PIGK: variants seen among roughly 807,000 people sequenced by gnomAD.
The protein encoded by PIGK is phosphatidylinositol glycan anchor biosynthesis class K.
Under a neutral mutation model 50.6 loss-of-function variants are expected in PIGK, and 42 were observed. The ratio of observed to expected loss-of-function variants is 0.83; its 90% CI spans 0.65 to 1.07. The LOEUF (loss-of-function observed/expected upper bound fraction) is 1.07, where lower values mean the gene tolerates loss of function less well. PIGK is among the 50% of genes least tolerant of loss of function. The pLI, the probability that PIGK is intolerant of heterozygous loss-of-function variation, is 0.00. For synonymous variants in PIGK, 151 were observed against 156.0 expected (o/e 0.97, Z 0.24); for missense variants, 448 against 488.7 (o/e 0.92, Z 0.78).
chr1:77,152,202 C>A (rs1265727623), intron 9 of PIGK, among the ~76,000 whole-genome samples: 1 of 152,012 alleles, frequency 6.6e-6, no homozygotes, highest in Non-Finnish European at 1.5e-5. Context: ...AATCCAAGCA[C>A]TTACAGCCAA....
chr1:77,193,271 G>A (rs1249112647), intron 3 of PIGK, among the ~76,000 whole-genome samples: 1 of 151,882 alleles, frequency 6.6e-6, no homozygotes, highest in Non-Finnish European at 1.5e-5. Context: ...GTGTGTGTGT[G>A]TGTGTGTGTG....
Position 77,099,787 on chromosome 1 carries a change from T to A in PIGK, c.1072-7297A>T, listed in dbSNP as rs988010317. ...ATCTTGTAATTTCATTTGTGTCCAT[T>A]AGAGCTTCTTAAAAAAATGACTGAC... On this transcript the variant is annotated intron_variant, in intron 10 of 10. Coordinates refer to ENST00000370812, the MANE Select transcript of PIGK (RefSeq NM_005482.3). Among the ~76,000 whole-genome samples the A allele has an allele frequency of 5.9e-5, 9 of 152,186 alleles. No individual in the cohort carries two copies. In the East Asian group the frequency reaches 1.7e-3, roughly 29 times the overall value.
At chr1:77,157,420 C>T (rs1655032690) in intron 8 of PIGK, among the ~76,000 whole-genome samples, 1 of 152,100 alleles carries the variant, frequency 6.6e-6, no homozygotes, top group Non-Finnish European at 1.5e-5. Flanking sequence ...TTTCCTTAAT[C>T]TTTCCTGTAT....
At chr1:77,183,044 T>C (rs962676602) in intron 3 of PIGK, among the ~76,000 whole-genome samples, 2 of 152,160 alleles carry the variant, frequency 1.3e-5, no homozygotes, top group Non-Finnish European at 2.9e-5. Context: ...GAGAGTCTTA[T>C]CTCCTGTAGA....
rs934032952 is a variant in PIGK at position 77,164,891 on chromosome 1, A to G, written c.488-949T>C. On this transcript the variant is annotated intron_variant, in intron 5 of 10. Coordinates refer to ENST00000370812, the MANE Select transcript of PIGK (RefSeq NM_005482.3). ...CCTGACGTATACTATGCCTCCATAA[A>G]TATTATTATCATATTATCATAATTA... Among the ~76,000 whole-genome samples, 6 of 152,114 alleles carry G rather than the reference A, an allele frequency of 3.9e-5. No individual in the cohort carries two copies. The South Asian group carries it at 6.2e-4, about 16-fold the overall frequency.
chr1:77,118,025 T>C lies in PIGK; in HGVS notation c.1071+4250A>G, dbSNP rs1300692772. 3.3e-5 allele frequency among the ~76,000 whole-genome samples: 5 copies of C among 152,318 alleles called. No individual in the cohort carries two copies. In the East Asian group the frequency reaches 7.7e-4, roughly 23 times the overall value. ...GTTAAAAAAAAATGAAACTTTCTGA[T>C]AAAAATAAACAATTCTAACATCATT... On this transcript the variant is annotated intron_variant, in intron 10 of 10. Transcript: ENST00000370812.
At chr1:77,093,857 C>T (rs920022294) in intron 10 of PIGK, among the ~76,000 whole-genome samples, 2 of 152,064 alleles carry the variant, frequency 1.3e-5, no homozygotes, top group Admixed American at 6.6e-5. Flanking sequence ...ACGGTAAGTT[C>T]GGTGGTTCTC....
At chr1:77,120,103 G>A (rs925319673) in intron 10 of PIGK, among the ~76,000 whole-genome samples, 2 of 152,072 alleles carry the variant, frequency 1.3e-5, no homozygotes, top group East Asian at 3.8e-4. Flanking sequence ...GTTACAGGGG[G>A]AGATTATACA....
intron 3 of PIGK, among the ~76,000 whole-genome samples, chr1:77,186,303 G>T (rs1655736717): frequency 6.6e-6 from 1 of 152,218 alleles, no homozygotes; most frequent in Non-Finnish European, 1.5e-5. Context: ...CAGCACTACT[G>T]CCCGTCTAGG....
At chr1:77,206,879 A>G in intron 2 of PIGK, 148 bp from the exon 3 acceptor site, 1 of 529,550 alleles carries the variant, frequency 1.9e-6, no homozygotes, top group Non-Finnish European at 3.4e-6. Flanking sequence ...AAAAATTGTC[A>G]GTAAAGGCCA....
chr1:77,104,348 C>T (rs1653617122), intron 10 of PIGK, among the ~76,000 whole-genome samples: 1 of 151,660 alleles, frequency 6.6e-6, no homozygotes, highest in Non-Finnish European at 1.5e-5. Context: ...AAAACATGAA[C>T]ACATGAGGAG....
intron 3 of PIGK, among the ~76,000 whole-genome samples, chr1:77,170,132 T>C (rs1412257987): frequency 6.6e-6 from 1 of 152,212 alleles, no homozygotes; most frequent in African/African-American, 2.4e-5. Context: ...GTCAAATTAT[T>C]AAATGTTCCC....
chr1:77,205,454 A>G (rs1251947185), intron 3 of PIGK, among the ~76,000 whole-genome samples: 3 of 151,708 alleles, frequency 2.0e-5, no homozygotes, highest in Non-Finnish European at 2.9e-5. Context: ...GAAATGATCT[A>G]TTCACAAAGA....
chr1:77,137,620 C>CA (rs1654550765), intron 9 of PIGK, among the ~76,000 whole-genome samples: 1 of 150,890 alleles, frequency 6.6e-6, no homozygotes, highest in South Asian at 2.2e-4. Context: ...TATTTTGAGA[C>CA]AGAGTCTTAC....
At position 77,210,350 on chromosome 1, in the gene PIGK, T is replaced by C. The variant is rs1042058986; in HGVS notation, c.147+86A>G. ...CTGATATAAAATGTAAAAAAATAAA[T>C]TGTATTTTCAAAAATTTGATTCACA... On this transcript the variant is annotated intron_variant, in intron 2 of 10. Coordinates refer to ENST00000370812, the MANE Select transcript of PIGK (RefSeq NM_005482.3). 6.0e-5 allele frequency: 42 copies of C among 699,548 alleles called. No individual in the cohort carries two copies. In the South Asian group the frequency reaches 9.1e-4, roughly 15 times the overall value. The allele number at this position is 699,548 out of a possible 1,614,324, so 43.3% of individuals were successfully genotyped here.
intron 9 of PIGK, among the ~76,000 whole-genome samples, chr1:77,140,458 T>C (rs967005030): frequency 3.3e-5 from 5 of 152,052 alleles, no homozygotes; most frequent in African/African-American, 1.2e-4. Flanking sequence ...TCCCCAAAAG[T>C]AGATACCCCT....
At chr1:77,118,784 C>T (rs1010055756) in intron 10 of PIGK, among the ~76,000 whole-genome samples, 10 of 151,962 alleles carry the variant, frequency 6.6e-5, no homozygotes, top group East Asian at 5.8e-4. Flanking sequence ...AAACCATATA[C>T]GTATTAGGGT....
intron 6 of PIGK, 55 bp downstream of exon 6, chr1:77,163,791 C>T (rs1338088954): frequency 1.1e-6 from 1 of 893,422 alleles, no homozygotes; most frequent in Non-Finnish European, 1.8e-6. Context: ...ATCTACGAAC[C>T]ATGTGAAAAT....
At chr1:77,148,713 GT>G (rs998584000) in intron 9 of PIGK, among the ~76,000 whole-genome samples, 18 of 144,114 alleles carry the variant, frequency 1.2e-4, no homozygotes, top group Non-Finnish European at 2.7e-4. Flanking sequence ...ATCAGTTTTT[GT>G]TTTTTGGTTT....
Sources: gnomAD v4.1 joint callset for allele counts (sites outside exome capture counted in the v4.1 genomes callset) on GRCh38, gnomAD v4.1.1 for gene constraint, MANE v1.5 for transcripts, NCBI Gene and HGNC (gene_info 2026-07-23, HGNC 2026-07-21) for gene names.